DCAF8L2: variants seen among roughly 807,000 people sequenced by gnomAD.
DCAF8L2 encodes the protein DDB1- and CUL4-associated factor 8-like protein 2.
For missense variants in DCAF8L2, 430 were observed against 490.7 expected (o/e 0.88, Z 1.17); for synonymous variants, 200 against 190.9 (o/e 1.05, Z -0.39).
At chrX:27,686,133 G>A (rs1930496946) in intron 3 of DCAF8L2, among the ~76,000 whole-genome samples, 3 of 111,218 alleles carry the variant, frequency 2.7e-5, no homozygotes, top group Admixed American at 1.9e-4. Context: ...TACACTGCGG[G>A]TGGGAGCGCA....
intron 3 of DCAF8L2, among the ~76,000 whole-genome samples, chrX:27,714,542 C>A (rs1315729627): frequency 8.9e-6 from 1 of 111,789 alleles, no homozygotes; most frequent in Non-Finnish European, 1.9e-5. Flanking sequence ...AATGTTTATT[C>A]CCATTGTATA....
the DCAF8L2 span, among the ~76,000 whole-genome samples, chrX:27,579,670 C>G: frequency 5.3e-5 from 4 of 75,267 alleles, no homozygotes; most frequent in African/African-American, 2.3e-4. Context: ...ACAAATATAC[C>G]AAAACAGACT....
chrX:27,559,969 TA>T, the DCAF8L2 span, among the ~76,000 whole-genome samples: 405 of 106,493 alleles, frequency 3.8e-3, 1 homozygote, highest in Middle Eastern at 0.024. Flanking sequence ...CTTTCCACGT[TA>T]AAAAAAAAAA....
At chrX:27,599,882 A>C (rs1311006361) in intron 1 of DCAF8L2, among the ~76,000 whole-genome samples, 1 of 112,302 alleles carries the variant, frequency 8.9e-6, no homozygotes, top group Non-Finnish European at 1.9e-5. Context: ...TGTGTGCAAT[A>C]ACATAGATAC....
chrX:27,730,050 A>C (rs1921096808), intron 4 of DCAF8L2, among the ~76,000 whole-genome samples: 1 of 111,856 alleles, frequency 8.9e-6, no homozygotes, highest in Non-Finnish European at 1.9e-5. Flanking sequence ...TGTAGCAATG[A>C]TAAGACAAAA....
At chrX:27,715,128 C>T (rs1931651655) in intron 3 of DCAF8L2, among the ~76,000 whole-genome samples, 2 of 110,625 alleles carry the variant, frequency 1.8e-5, no homozygotes, top group African/African-American at 3.3e-5. Context: ...CACGGTGGCT[C>T]ATGCCTGTAA....
chrX:27,653,907 A>C (rs1050465513), intron 2 of DCAF8L2, among the ~76,000 whole-genome samples: 6 of 111,529 alleles, frequency 5.4e-5, no homozygotes, highest in African/African-American at 2.0e-4. Flanking sequence ...GGACATTGCA[A>C]ATTATGGGAC....
At chrX:27,580,825 G>A in the DCAF8L2 span, among the ~76,000 whole-genome samples, 1 of 111,589 alleles carries the variant, frequency 9.0e-6, no homozygotes, top group Non-Finnish European at 1.9e-5. Flanking sequence ...TTCCTACCTA[G>A]CTCTCTTTCA....
At chrX:27,556,578 T>C in the DCAF8L2 span, among the ~76,000 whole-genome samples, 1 of 112,069 alleles carries the variant, frequency 8.9e-6, no homozygotes, top group African/African-American at 3.2e-5. Flanking sequence ...AAATGCAAGC[T>C]GTGATGTGAT....
chrX:27,514,497 G>A, the DCAF8L2 span, among the ~76,000 whole-genome samples: 1 of 105,123 alleles, frequency 9.5e-6, no homozygotes, highest in Non-Finnish European at 2.0e-5. Context: ...GTGAAACCCC[G>A]TCTCTACTAA....
At chrX:27,734,306 C>T (rs1265888389) in intron 4 of DCAF8L2, among the ~76,000 whole-genome samples, 1 of 110,944 alleles carries the variant, frequency 9.0e-6, no homozygotes, top group Non-Finnish European at 1.9e-5. Context: ...AAAGAGAGTA[C>T]CTGTAAGAAG....
intron 1 of DCAF8L2, among the ~76,000 whole-genome samples, chrX:27,619,861 A>G (rs1187192370): frequency 6.3e-5 from 7 of 111,129 alleles, no homozygotes; most frequent in African/African-American, 2.3e-4. Flanking sequence ...AAAGAAATAT[A>G]GGTAAAGTAA....
the DCAF8L2 span, among the ~76,000 whole-genome samples, chrX:27,470,522 G>A: frequency 2.7e-5 from 3 of 112,144 alleles, no homozygotes; most frequent in African/African-American, 9.7e-5. Context: ...TATACTACTG[G>A]TAGTTTCAGG....
chrX:27,732,493 CGTGTGTGT>C (rs139652032), intron 4 of DCAF8L2, among the ~76,000 whole-genome samples: 4 of 84,134 alleles, frequency 4.8e-5, no homozygotes, highest in Non-Finnish European at 1.1e-4. Context: ...TGTGTGTGCG[CGTGTGTGT>C]GTGTGTGTGT....
At chrX:27,552,688 G>A in the DCAF8L2 span, among the ~76,000 whole-genome samples, 2 of 111,356 alleles carry the variant, frequency 1.8e-5, no homozygotes, top group African/African-American at 6.5e-5. Context: ...ATGCTGATTT[G>A]GTTATTATGG....
the DCAF8L2 span, among the ~76,000 whole-genome samples, chrX:27,569,340 A>G: frequency 1.8e-5 from 2 of 112,035 alleles, no homozygotes; most frequent in Admixed American, 1.9e-4. Flanking sequence ...TACAACCCAG[A>G]CACCTGCAAA....
At chrX:27,532,983 A>G in the DCAF8L2 span, among the ~76,000 whole-genome samples, 1 of 103,659 alleles carries the variant, frequency 9.6e-6, no homozygotes, top group Non-Finnish European at 2.0e-5. Context: ...AGGCTGAGGC[A>G]TGAGAATCAC....
chrX:27,536,842 T>C, the DCAF8L2 span, among the ~76,000 whole-genome samples: 3 of 111,746 alleles, frequency 2.7e-5, no homozygotes, highest in Non-Finnish European at 5.6e-5. Context: ...ACCCTCCACC[T>C]TATCTGCCAC....
At chrX:27,545,543 TG>T in the DCAF8L2 span, among the ~76,000 whole-genome samples, 1 of 111,492 alleles carries the variant, frequency 9.0e-6, no homozygotes, top group African/African-American at 3.3e-5. Context: ...TTCCCTATGC[TG>T]GGGGAGGAAC....
Sources: gnomAD v4.1 joint callset for allele counts (sites outside exome capture counted in the v4.1 genomes callset) on GRCh38, gnomAD v4.1.1 for gene constraint, MANE v1.5 for transcripts, NCBI Gene and HGNC (gene_info 2026-07-23, HGNC 2026-07-21) for gene names.